TMC1: variants seen among roughly 807,000 people sequenced by gnomAD.
TMC1 encodes the protein transmembrane channel-like protein 1.
TMC1 carries 84 observed loss-of-function variants against 105.8 expected under a neutral mutation model. The observed-to-expected ratio is 0.79, with a 90% CI of 0.67 to 0.95. The LOEUF (loss-of-function observed/expected upper bound fraction) is 0.95. Ranked by LOEUF, TMC1 falls within the 40% of genes least tolerant of loss-of-function variation. The probability of loss-of-function intolerance (pLI) is 0.00; values close to 1 mark genes in which losing one functional copy is unlikely to be tolerated. For missense variants in TMC1, 817 were observed against 914.1 expected, an observed-to-expected ratio of 0.89 and a Z score of 1.37; for synonymous variants, 315 against 311.5, an observed-to-expected ratio of 1.01 and a Z score of -0.12.
intron 5 of TMC1, among the ~76,000 whole-genome samples, chr9:72,655,360 G>A (rs1825868067): frequency 1.3e-5 from 2 of 152,092 alleles, no homozygotes; most frequent in Non-Finnish European, 2.9e-5. Context: ...ACAATTACAG[G>A]TTGCTAGTCC....
chr9:72,803,377 C>T (rs914869795), intron 17 of TMC1, among the ~76,000 whole-genome samples: 3 of 152,070 alleles, frequency 2.0e-5, no homozygotes, highest in Non-Finnish European at 4.4e-5. Flanking sequence ...CAAAAATTGA[C>T]AAATGGGAAC....
At chr9:72,807,807 G>C (rs1370811174) in intron 18 of TMC1, among the ~76,000 whole-genome samples, 1 of 152,218 alleles carries the variant, frequency 6.6e-6, no homozygotes, top group African/African-American at 2.4e-5. Context: ...CTAGTTTGCT[G>C]TCATGCATCT....
chr9:72,759,702 A>C (rs573428252), intron 12 of TMC1, among the ~76,000 whole-genome samples: 1 of 152,304 alleles, frequency 6.6e-6, no homozygotes, highest in African/African-American at 2.4e-5. Context: ...CTGGAAATTC[A>C]CAAAAATAAG....
chr9:72,710,389 T>C (rs1826815981), intron 8 of TMC1, among the ~76,000 whole-genome samples: 5 of 152,198 alleles, frequency 3.3e-5, no homozygotes, highest in Admixed American at 2.6e-4. Context: ...TTTAATCCAT[T>C]GTTTCTTTGT....
intron 21 of TMC1, among the ~76,000 whole-genome samples, chr9:72,828,251 G>A (rs1828989440): frequency 1.3e-5 from 2 of 152,174 alleles, no homozygotes; most frequent in East Asian, 1.9e-4. Context: ...TGGCACAGAT[G>A]CATTAGAAAA....
At chr9:72,752,702 A>G (rs1411409748) in intron 11 of TMC1, among the ~76,000 whole-genome samples, 1 of 152,172 alleles carries the variant, frequency 6.6e-6, no homozygotes, top group Admixed American at 6.5e-5. Flanking sequence ...GTTTTAGTTA[A>G]CCTACAAAGG....
At chr9:72,557,082 A>G (rs1823954610) in intron 1 of TMC1, among the ~76,000 whole-genome samples, 1 of 151,916 alleles carries the variant, frequency 6.6e-6, no homozygotes, top group Non-Finnish European at 1.5e-5. Context: ...GTCTAAAAGA[A>G]ATGACAGGAC....
intron 18 of TMC1, among the ~76,000 whole-genome samples, chr9:72,810,576 A>G (rs1828685765): frequency 6.6e-6 from 1 of 152,180 alleles, no homozygotes; most frequent in Non-Finnish European, 1.5e-5. Context: ...ACAGATTTTT[A>G]TAAATATACA....
Position 72,665,520 on chromosome 9 carries a change from A to G in TMC1, c.16+16856A>G, listed in dbSNP as rs557622507. Among the ~76,000 whole-genome samples, 62 of 152,348 alleles carry G rather than the reference A, an allele frequency of 4.1e-4. 1 individual carries two copies. Among genetic ancestry groups the G allele is most frequent in the Admixed American group, 1.3e-4 (2 of 15,302 alleles). On this transcript the variant is annotated intron_variant, in intron 5 of 23. Coordinates refer to ENST00000297784, the MANE Select transcript of TMC1 (RefSeq NM_138691.3). Reference sequence around the variant, plus strand: ...AAAGTGGTACAAAGATATTTCACACATAGAATATCAAATCCAGGGTGCTTT... The same window carrying G: ...AAAGTGGTACAAAGATATTTCACACGTAGAATATCAAATCCAGGGTGCTTT...
chr9:72,607,776 T>A (rs984004396), intron 2 of TMC1: 2 of 151,560 alleles, frequency 1.3e-5, no homozygotes, highest in Non-Finnish European at 2.9e-5. Flanking sequence ...TGAGACCCTG[T>A]CTCTACAAAG....
At chr9:72,704,591 G>A (rs1200756407) in intron 8 of TMC1, among the ~76,000 whole-genome samples, 1 of 152,136 alleles carries the variant, frequency 6.6e-6, no homozygotes, top group African/African-American at 2.4e-5. Context: ...ACATGGCTCA[G>A]GAGCTAGAGT....
chr9:72,635,521 C>T (rs1351808359), intron 4 of TMC1, among the ~76,000 whole-genome samples: 1 of 152,128 alleles, frequency 6.6e-6, no homozygotes, highest in African/African-American at 2.4e-5. Flanking sequence ...ATTCCAAGGG[C>T]TTTAGGGGCT....
chr9:72,758,677 A>G (rs1588069263), intron 12 of TMC1, among the ~76,000 whole-genome samples: 1 of 152,326 alleles, frequency 6.6e-6, no homozygotes, highest in Non-Finnish European at 1.5e-5. Context: ...GACAATAAGG[A>G]AAGAGTACAA....
chr9:72,793,234 A>G (rs1325446193), intron 17 of TMC1, among the ~76,000 whole-genome samples: 2 of 152,144 alleles, frequency 1.3e-5, no homozygotes, highest in Non-Finnish European at 2.9e-5. Context: ...TTAGACCCCC[A>G]ACCACACCCC....
chr9:72,600,076 C>T (rs903927120), intron 2 of TMC1, among the ~76,000 whole-genome samples: 8 of 152,076 alleles, frequency 5.3e-5, no homozygotes, highest in African/African-American at 9.7e-5. Flanking sequence ...AGTAGGTCGA[C>T]GGGGCCCTCG....
At chr9:72,578,828 A>T (rs1388243682) in intron 2 of TMC1, among the ~76,000 whole-genome samples, 1 of 152,190 alleles carries the variant, frequency 6.6e-6, no homozygotes, top group Non-Finnish European at 1.5e-5. Context: ...TGAGAAACAC[A>T]CTGTAGTGGT....
At chr9:72,639,115 G>A (rs532105053) in intron 4 of TMC1, among the ~76,000 whole-genome samples, 1 of 151,998 alleles carries the variant, frequency 6.6e-6, no homozygotes, top group Non-Finnish European at 1.5e-5. Flanking sequence ...AATATGTGAA[G>A]TTATATAAAT....
At chr9:72,724,164 C>T (rs529514055) in intron 8 of TMC1, among the ~76,000 whole-genome samples, 1 of 152,188 alleles carries the variant, frequency 6.6e-6, no homozygotes, top group African/African-American at 2.4e-5. Context: ...TTTTAGTTTC[C>T]TGCTGCTGTA....
Position 72,688,714 on chromosome 9 carries a change from A to G in TMC1, c.22A>G (p.Ile8Val), listed in dbSNP as rs1287826699. 6.2e-7 allele frequency: 1 copy of G among 1,611,604 alleles called. No individual in the cohort carries two copies. Among genetic ancestry groups the G allele is most frequent in the Non-Finnish European group, 8.5e-7 (1 of 1,178,438 alleles). The change falls in exon 6 of 24, where the codon ATC becomes GTC. Residue 8 changes from isoleucine to valine, a missense_variant. Physicochemically the swap from Ile to Val is conservative, Grantham distance 29. Coordinates refer to ENST00000297784, the MANE Select transcript of TMC1 (RefSeq NM_138691.3). ...CTGTTTTCTTTCCTCAACAGTACAA[A>G]TCAAAGTGGAGGAAAAAGAAGACGA... MSPKKVQ[I>V]KVEEKEDETE...
Sources: allele counts gnomAD v4.1 joint callset (sites outside exome capture counted in the v4.1 genomes callset), GRCh38; gene constraint gnomAD v4.1.1; transcripts MANE v1.5; gene names NCBI Gene and HGNC (gene_info 2026-07-23, HGNC 2026-07-21).